The following CDH18 variants were observed in gnomAD, a reference collection of about 807,000 sequenced individuals.
CDH18 encodes cadherin 18.
CDH18 carries 31 observed loss-of-function variants against 67.9 expected under a neutral mutation model. The observed-to-expected ratio is 0.46, with a 90% CI of 0.34 to 0.62. The LOEUF (loss-of-function observed/expected upper bound fraction) is 0.62. Ranked by LOEUF, CDH18 falls within the 20% of genes least tolerant of loss-of-function variation. The pLI, the probability that CDH18 is intolerant of heterozygous loss-of-function variation, is 0.01. For missense variants in CDH18, 890 were observed against 975.5 expected, an observed-to-expected ratio of 0.91 and a Z score of 1.17; for synonymous variants, 362 against 347.2, an observed-to-expected ratio of 1.04 and a Z score of -0.48.
chr5:19,900,846 GC>G (rs777405775), intron 2 of CDH18, among the ~76,000 whole-genome samples: 2 of 151,998 alleles, frequency 1.3e-5, no homozygotes, highest in East Asian at 1.9e-4. Flanking sequence ...GTGGAAATCT[GC>G]CTTTTTATCC....
intron 2 of CDH18, among the ~76,000 whole-genome samples, chr5:19,949,946 A>G (rs1561615245): frequency 6.7e-6 from 1 of 149,530 alleles, no homozygotes; most frequent in Non-Finnish European, 1.5e-5. Flanking sequence ...CCAAATGCCC[A>G]TTAATCAAGT....
At position 20,233,379 on chromosome 5, in the gene CDH18, C is replaced by T. The variant is rs114610974; in HGVS notation, c.-518+22065G>A. On this transcript the variant is annotated intron_variant, in intron 2 of 14. Transcript: ENST00000507958. ...TTATTTTTTCAGTAAGAATATCATA[C>T]CAAAAGAGTTTGAAATTTTATATAT... 1.0e-2 allele frequency among the ~76,000 whole-genome samples: 1,508 copies of T among 151,110 alleles called. 15 individuals carry two copies. Among genetic ancestry groups the T allele is most frequent in the Non-Finnish European group, 0.016 (1,100 of 67,724 alleles).
chr5:19,694,590 A>T (rs180858532), intron 5 of CDH18, among the ~76,000 whole-genome samples: 38 of 152,234 alleles, frequency 2.5e-4, no homozygotes, highest in Non-Finnish European at 5.0e-4. Context: ...CACCAGTTTT[A>T]AAATCTTATT....
At chr5:20,256,959 A>ATCTATCTATCTATCTGTCTG (rs369248095) in intron 1 of CDH18, among the ~76,000 whole-genome samples, 2 of 125,206 alleles carry the variant, frequency 1.6e-5, no homozygotes, top group African/African-American at 5.1e-5. Flanking sequence ...CTATCTATCT[A>ATCTATCTATCTATCTGTCTG]TCTAATCTAT....
At chr5:19,723,069 C>T (rs1472571049) in intron 4 of CDH18, among the ~76,000 whole-genome samples, 1 of 151,698 alleles carries the variant, frequency 6.6e-6, no homozygotes, top group Non-Finnish European at 1.5e-5. Flanking sequence ...TTTTTGTTAA[C>T]ACACACAAAA....
chr5:19,857,290 A>T (rs1292496962), intron 2 of CDH18, among the ~76,000 whole-genome samples: 1 of 152,002 alleles, frequency 6.6e-6, no homozygotes, highest in African/African-American at 2.4e-5. Context: ...TTCTGTCACT[A>T]GTCACAACTG....
At chr5:20,064,124 T>C (rs1742764007) in intron 2 of CDH18, among the ~76,000 whole-genome samples, 1 of 152,170 alleles carries the variant, frequency 6.6e-6, no homozygotes, top group South Asian at 2.1e-4. Flanking sequence ...TTTAATGTGT[T>C]ATTATGAAAA....
At chr5:19,999,060 G>A (rs1364965098) in intron 2 of CDH18, among the ~76,000 whole-genome samples, 1 of 152,138 alleles carries the variant, frequency 6.6e-6, no homozygotes, top group Non-Finnish European at 1.5e-5. Context: ...AATTTACCTA[G>A]TTAAAGAGAA....
At chr5:20,539,535 G>T (rs1340986760) in intron 1 of CDH18, among the ~76,000 whole-genome samples, 1 of 152,088 alleles carries the variant, frequency 6.6e-6, no homozygotes, top group African/African-American at 2.4e-5. Context: ...CAAGAAATGG[G>T]TTGTTATATT....
chr5:20,279,518 G>A (rs1489337483), intron 1 of CDH18, among the ~76,000 whole-genome samples: 1 of 151,618 alleles, frequency 6.6e-6, no homozygotes, highest in Non-Finnish European at 1.5e-5. Flanking sequence ...AGCCAGCATG[G>A]TGAAACCCTG....
intron 5 of CDH18, among the ~76,000 whole-genome samples, chr5:19,658,648 CT>C (rs1048026712): frequency 1.8e-4 from 27 of 151,230 alleles, no homozygotes; most frequent in Non-Finnish European, 2.8e-4. Flanking sequence ...TTTTAAACTT[CT>C]TTTTTTCTTT....
At chr5:19,718,931 A>G (rs1268742758) in intron 5 of CDH18, among the ~76,000 whole-genome samples, 5 of 152,038 alleles carry the variant, frequency 3.3e-5, no homozygotes, top group Non-Finnish European at 7.4e-5. Flanking sequence ...ATGTACATAA[A>G]TGAATGCACA....
At chr5:19,898,637 A>AGAAATTAAGAC (rs1789610142) in intron 2 of CDH18, among the ~76,000 whole-genome samples, 1 of 152,054 alleles carries the variant, frequency 6.6e-6, no homozygotes. Context: ...GAAAATAAGA[A>AGAAATTAAGAC]GAAATTATAT....
intron 3 of CDH18, among the ~76,000 whole-genome samples, chr5:19,751,538 G>A (rs185990312): frequency 6.6e-6 from 1 of 152,130 alleles, no homozygotes; most frequent in African/African-American, 2.4e-5. Flanking sequence ...AAAACATGGG[G>A]AATACATGTC....
At chr5:19,490,090 TAAAAC>T (rs1383554950) in intron 11 of CDH18, among the ~76,000 whole-genome samples, 2 of 151,348 alleles carry the variant, frequency 1.3e-5, no homozygotes, top group African/African-American at 2.4e-5. Flanking sequence ...ATGAATGAGT[TAAAAC>T]AGAAAAAAAA....
chr5:19,820,370 G>A (rs1236387357), intron 3 of CDH18, among the ~76,000 whole-genome samples: 1 of 152,170 alleles, frequency 6.6e-6, no homozygotes, highest in African/African-American at 2.4e-5. Flanking sequence ...CAACAGGGGA[G>A]TGACAGCTGG....
At chr5:19,968,779 A>G (rs1797734474) in intron 2 of CDH18, among the ~76,000 whole-genome samples, 3 of 144,728 alleles carry the variant, frequency 2.1e-5, no homozygotes, top group South Asian at 4.2e-4. Context: ...GGACATAGGC[A>G]TGGGCAAGGA....
chr5:19,883,574 C>T (rs553206655), intron 2 of CDH18, among the ~76,000 whole-genome samples: 1 of 151,602 alleles, frequency 6.6e-6, no homozygotes, highest in Non-Finnish European at 1.5e-5. Flanking sequence ...AAGTGAGTTT[C>T]TCTTTTATAT....
chr5:19,557,268 A>G (rs1304570134), intron 8 of CDH18, among the ~76,000 whole-genome samples: 1 of 152,132 alleles, frequency 6.6e-6, no homozygotes, highest in African/African-American at 2.4e-5. Flanking sequence ...AGTATAATGA[A>G]TATAATAGTA....
Sources: allele counts gnomAD v4.1 joint callset (sites outside exome capture counted in the v4.1 genomes callset), GRCh38; gene constraint gnomAD v4.1.1; transcripts MANE v1.5; gene names NCBI Gene and HGNC (gene_info 2026-07-23, HGNC 2026-07-21).